SFXN1: variants seen among roughly 807,000 people sequenced by gnomAD.
The protein encoded by SFXN1 is sideroflexin-1.
A neutral mutation model predicts 39.5 loss-of-function variants in SFXN1; 32 were observed. That is an observed-to-expected ratio of 0.81 (90% CI 0.61 to 1.09). SFXN1 has a LOEUF of 1.09. SFXN1 is among the 50% of genes least tolerant of loss of function. SFXN1 has a pLI of 0.00. For missense variants in SFXN1, 402 were observed against 407.1 expected (o/e 0.99, Z 0.11); for synonymous variants, 136 against 146.5 (o/e 0.93, Z 0.52).
At chr5:175,512,020 A>G (rs1226727034) in intron 5 of SFXN1, 91 bp from the exon 6 acceptor site, 7 of 1,239,178 alleles carry the variant, frequency 5.6e-6, no homozygotes, top group Middle Eastern at 1.9e-4. Context: ...GGGACTCTGC[A>G]TTTTTCAGAG....
intron 2 of SFXN1, among the ~76,000 whole-genome samples, chr5:175,508,694 A>G (rs559841372): frequency 1.3e-5 from 2 of 152,136 alleles, no homozygotes; most frequent in African/African-American, 4.8e-5. Flanking sequence ...CTGGAGTGCA[A>G]TGGTGCGATC....
intron 1 of SFXN1, among the ~76,000 whole-genome samples, chr5:175,486,769 C>A (rs151251897): frequency 8.8e-4 from 134 of 152,132 alleles, no homozygotes; most frequent in African/African-American, 3.0e-3. Context: ...CAGAGTGAGA[C>A]CCTGTCTCAA....
intron 2 of SFXN1, among the ~76,000 whole-genome samples, chr5:175,508,790 A>G (rs1760404935): frequency 6.6e-6 from 1 of 151,930 alleles, no homozygotes; most frequent in Non-Finnish European, 1.5e-5. Flanking sequence ...GGCGGGTGCC[A>G]CCGCACCCGG....
intron 8 of SFXN1, among the ~76,000 whole-genome samples, chr5:175,519,864 CTTTTTTTTTTTT>C (rs369561037): frequency 9.1e-5 from 7 of 77,280 alleles, no homozygotes; most frequent in Non-Finnish European, 1.5e-4. Flanking sequence ...GGGTTTTTTG[CTTTTTTTTTTTT>C]TTTTTTTTTT....
chr5:175,513,348 A>G, intron 6 of SFXN1, 115 bp from the exon 7 acceptor site: 1 of 1,020,098 alleles, frequency 9.8e-7, no homozygotes, highest in Non-Finnish European at 1.4e-6. Flanking sequence ...ACCAAAAATG[A>G]CACTTGAGTG....
chr5:175,480,164 G>T (rs566892791), intron 1 of SFXN1, among the ~76,000 whole-genome samples: 1 of 152,302 alleles, frequency 6.6e-6, no homozygotes, highest in African/African-American at 2.4e-5. Flanking sequence ...CACTTTGGGT[G>T]GCCGAGGCGG....
At chr5:175,522,546 G>C (rs944248042) in intron 10 of SFXN1, 124 bp downstream of exon 10, 95 of 942,908 alleles carry the variant, frequency 1.0e-4, no homozygotes, top group Non-Finnish European at 1.2e-4. Flanking sequence ...CTGAAGCCAG[G>C]GTCTCTTAAA....
chr5:175,511,775 C>T (rs1248240488), intron 5 of SFXN1, among the ~76,000 whole-genome samples: 1 of 152,178 alleles, frequency 6.6e-6, no homozygotes, highest in Non-Finnish European at 1.5e-5. Context: ...CCCATCCTGA[C>T]AGCCCACCAG....
At chr5:175,485,692 G>C (rs1489816966) in intron 1 of SFXN1, among the ~76,000 whole-genome samples, 2 of 152,144 alleles carry the variant, frequency 1.3e-5, no homozygotes, top group Non-Finnish European at 2.9e-5. Flanking sequence ...CAGCTTCTGG[G>C]GATTAGAATG....
At position 175,514,882 on chromosome 5, in the gene SFXN1, A is replaced by G. The variant is rs192339138; in HGVS notation, c.724+1292A>G. Reference sequence around the variant, plus strand: ...ACATGGGAAAGCATCTCCTGAGTCCAGGGACCAGCACGTTTGTCACTAACC... The same window carrying G: ...ACATGGGAAAGCATCTCCTGAGTCCGGGGACCAGCACGTTTGTCACTAACC... On this transcript the variant is annotated intron_variant, in intron 7 of 10. Coordinates refer to ENST00000321442, the MANE Select transcript of SFXN1 (RefSeq NM_022754.7). Among the ~76,000 whole-genome samples the G allele has an allele frequency of 4.1e-3, 623 of 152,362 alleles. 7 individuals carry two copies. The highest frequency in any genetic ancestry group is 0.013 in the African/African-American group (551 of 41,590).
At chr5:175,524,699 A>G (rs1310810254) in intron 10 of SFXN1, among the ~76,000 whole-genome samples, 1 of 152,158 alleles carries the variant, frequency 6.6e-6, no homozygotes, top group Non-Finnish European at 1.5e-5. Context: ...TAAAATAAAT[A>G]ACAGAAAGAG....
rs750628276 is a variant in SFXN1, at chr5:175,510,128, T to C, written c.355T>C (p.Phe119Leu). The C allele has an allele frequency of 3.1e-6, 5 of 1,613,114 alleles. No individual in the cohort carries two copies. In the South Asian group the frequency reaches 5.5e-5, roughly 18 times the overall value. The change falls in exon 4 of 11, where the codon TTC becomes CTC. Residue 119 changes from phenylalanine to leucine, a missense_variant. By Grantham distance (22) the Phe-to-Leu change is conservative (BLOSUM62 0). Coordinates refer to ENST00000321442, the MANE Select transcript of SFXN1 (RefSeq NM_022754.7). ...TTTTAGGACTACGCCGGCTGTGCTGTTCTGGCAGTGGATTAACCAGTCCTT... is the reference window on the plus strand; with the variant it reads ...TTTTAGGACTACGCCGGCTGTGCTGCTCTGGCAGTGGATTAACCAGTCCTT... ...TFYRTTPAVLFWQWINQSFNA... is the reference protein window; with the variant it reads ...TFYRTTPAVLLWQWINQSFNA...
chr5:175,505,260 T>G (rs1429747696), intron 2 of SFXN1, among the ~76,000 whole-genome samples: 3 of 151,584 alleles, frequency 2.0e-5, no homozygotes, highest in African/African-American at 7.3e-5. Flanking sequence ...TCTGACCGGG[T>G]GCAGTGACTC....
At chr5:175,513,680 C>G in intron 7 of SFXN1, 90 bp downstream of exon 7, 1 of 1,390,352 alleles carries the variant, frequency 7.2e-7, no homozygotes, top group Non-Finnish European at 1.0e-6. Context: ...ATATATCACA[C>G]CTCTTAGTGG....
At chr5:175,502,299 TG>T (rs1760113366) in intron 2 of SFXN1, among the ~76,000 whole-genome samples, 1 of 152,162 alleles carries the variant, frequency 6.6e-6, no homozygotes, top group South Asian at 2.1e-4. Context: ...TTGGTAGTCC[TG>T]TAAAGACAGA....
At chr5:175,483,425 C>G (rs956831243) in intron 1 of SFXN1, among the ~76,000 whole-genome samples, 1 of 152,150 alleles carries the variant, frequency 6.6e-6, no homozygotes, top group Non-Finnish European at 1.5e-5. Context: ...TAAAATCATT[C>G]ATGAAAAAGA....
intron 1 of SFXN1, among the ~76,000 whole-genome samples, chr5:175,484,842 C>T (rs1303471765): frequency 6.6e-6 from 1 of 152,150 alleles, no homozygotes; most frequent in African/African-American, 2.4e-5. Flanking sequence ...ATTACAGGTG[C>T]GCACCACCAC....
chr5:175,478,912 T>C (rs114863538), intron 1 of SFXN1, among the ~76,000 whole-genome samples: 6,914 of 151,706 alleles, frequency 0.046, 517 homozygotes, highest in African/African-American at 0.16. Flanking sequence ...TCGTCCCCGG[T>C]GGGAAGGGCC....
intron 10 of SFXN1, among the ~76,000 whole-genome samples, chr5:175,524,968 A>G (rs1212299290): frequency 6.6e-6 from 1 of 152,240 alleles, no homozygotes; most frequent in East Asian, 1.9e-4. Context: ...AATAGGCCAG[A>G]TAGTCATTAA....
Sources: allele counts gnomAD v4.1 joint callset (sites outside exome capture counted in the v4.1 genomes callset), GRCh38; gene constraint gnomAD v4.1.1; transcripts MANE v1.5; gene names NCBI Gene and HGNC (gene_info 2026-07-23, HGNC 2026-07-21).